Variants in UNC5C observed in about 807,000 individuals in gnomAD.
The protein encoded by UNC5C is unc-5 netrin receptor C.
In UNC5C, 47 loss-of-function variants were observed where a neutral mutation model predicts 99.8. The ratio of observed to expected loss-of-function variants is 0.47; its 90% CI spans 0.37 to 0.60. The LOEUF is 0.60. Ranked by LOEUF, UNC5C falls within the 20% of genes least tolerant of loss-of-function variation. UNC5C has a pLI of 0.00. For synonymous variants in UNC5C, 487 were observed against 452.2 expected, an observed-to-expected ratio of 1.08 and a Z score of -0.98; for missense variants, 1,062 against 1,165.9, an observed-to-expected ratio of 0.91 and a Z score of 1.30.
chr4:95,330,221 T>C (rs1358478931), intron 2 of UNC5C, among the ~76,000 whole-genome samples: 1 of 152,106 alleles, frequency 6.6e-6, no homozygotes, highest in African/African-American at 2.4e-5. Context: ...TTCTTTAGCA[T>C]TATATTTATA....
At chr4:95,273,694 A>G (rs372911094) in intron 4 of UNC5C, among the ~76,000 whole-genome samples, 55 of 152,338 alleles carry the variant, frequency 3.6e-4, no homozygotes, top group African/African-American at 1.3e-3. Context: ...ATATCATTTT[A>G]GAGTATTCCT....
intron 1 of UNC5C, among the ~76,000 whole-genome samples, chr4:95,476,738 G>T (rs962366806): frequency 6.9e-6 from 1 of 145,788 alleles, no homozygotes; most frequent in Non-Finnish European, 1.5e-5. Flanking sequence ...ACATATTATT[G>T]CAGTAAGAAT....
chr4:95,506,055 T>C (rs777499921), intron 1 of UNC5C, among the ~76,000 whole-genome samples: 7 of 152,004 alleles, frequency 4.6e-5, no homozygotes, highest in African/African-American at 7.2e-5. Flanking sequence ...AGAAAACATG[T>C]TTTTTAAAAT....
intron 4 of UNC5C, among the ~76,000 whole-genome samples, chr4:95,274,556 C>T (rs775628480): frequency 6.6e-6 from 1 of 151,686 alleles, no homozygotes; most frequent in Non-Finnish European, 1.5e-5. Context: ...TATAAGGAGT[C>T]CTCGGTTGGC....
At chr4:95,534,942 G>A (rs116704353) in intron 1 of UNC5C, among the ~76,000 whole-genome samples, 256 of 152,212 alleles carry the variant, frequency 1.7e-3, no homozygotes, top group African/African-American at 5.9e-3. Context: ...AATTGTTTCT[G>A]TTCCTTTATA....
intron 1 of UNC5C, among the ~76,000 whole-genome samples, chr4:95,533,492 T>G (rs1434322053): frequency 1.3e-5 from 2 of 152,010 alleles, no homozygotes; most frequent in African/African-American, 4.8e-5. Context: ...GTGATATCAT[T>G]AAATAATACA....
chr4:95,272,548 T>G (rs2865416), intron 4 of UNC5C, among the ~76,000 whole-genome samples: 76,741 of 152,046 alleles, frequency 0.5, 19,544 homozygotes, highest in Middle Eastern at 0.59. Context: ...TTTCCCATAC[T>G]TTTTCACCCC....
At chr4:95,505,999 C>T (rs191846887) in intron 1 of UNC5C, among the ~76,000 whole-genome samples, 1 of 151,796 alleles carries the variant, frequency 6.6e-6, no homozygotes, top group African/African-American at 2.4e-5. Flanking sequence ...AGAAAATATG[C>T]TGACATGTGC....
chr4:95,498,840 C>T (rs1231454677), intron 1 of UNC5C, among the ~76,000 whole-genome samples: 1 of 151,916 alleles, frequency 6.6e-6, no homozygotes, highest in African/African-American at 2.4e-5. Flanking sequence ...TTGGTCAAGA[C>T]ACATATAATC....
chr4:95,381,833 G>A (rs141889879), intron 1 of UNC5C, among the ~76,000 whole-genome samples: 347 of 152,232 alleles, frequency 2.3e-3, no homozygotes, highest in Admixed American at 5.0e-3. Context: ...TTGAGACAGC[G>A]GAGGACTTTC....
At chr4:95,195,828 T>A (rs962172277) in intron 12 of UNC5C, among the ~76,000 whole-genome samples, 2 of 152,018 alleles carry the variant, frequency 1.3e-5, no homozygotes, top group Admixed American at 1.3e-4. Context: ...TTCACAGAGT[T>A]ACTCTATTAC....
chr4:95,263,702 A>C (rs574650999), intron 4 of UNC5C, among the ~76,000 whole-genome samples: 2 of 152,282 alleles, frequency 1.3e-5, no homozygotes, highest in South Asian at 4.1e-4. Flanking sequence ...AAATCACTCA[A>C]CCTTATTTTT....
intron 14 of UNC5C, among the ~76,000 whole-genome samples, chr4:95,174,519 G>A (rs1233553680): frequency 5.9e-5 from 9 of 152,190 alleles, no homozygotes; most frequent in African/African-American, 1.7e-4. Flanking sequence ...TCATTCAGGA[G>A]CAGGTTGTTC....
At chr4:95,184,633 G>T in intron 13 of UNC5C, among the ~76,000 whole-genome samples, 1 of 152,080 alleles carries the variant, frequency 6.6e-6, no homozygotes, top group South Asian at 2.1e-4. Flanking sequence ...CCAAAGTAGG[G>T]CTCCCTCTAA....
At chr4:95,329,171 T>C (rs1298600340) in intron 2 of UNC5C, among the ~76,000 whole-genome samples, 1 of 151,988 alleles carries the variant, frequency 6.6e-6, no homozygotes, top group African/African-American at 2.4e-5. Flanking sequence ...TGCCTGTAGT[T>C]GTAGCTATTT....
chr4:95,448,240 G>GAGAGAGAGAGAGACAC (rs1560836881), intron 1 of UNC5C, among the ~76,000 whole-genome samples: 1 of 149,760 alleles, frequency 6.7e-6, no homozygotes. Context: ...GAGAGAGAGA[G>GAGAGAGAGAGAGACAC]AGAGAGAGAG....
intron 1 of UNC5C, among the ~76,000 whole-genome samples, chr4:95,548,450 C>G (rs1723134513): frequency 6.6e-6 from 1 of 152,034 alleles, no homozygotes; most frequent in Non-Finnish European, 1.5e-5. Flanking sequence ...CAAGACACTC[C>G]AGGCTCCCAC....
Position 95,219,078 on chromosome 4 carries a change from A to G in UNC5C, c.1536T>C (p.Asn512=). The change falls in exon 9 of 16, where the codon AAT becomes AAC. Residue 512 remains asparagine, a synonymous_variant. Coordinates refer to ENST00000453304, the MANE Select transcript of UNC5C (RefSeq NM_003728.4). ...TCTGGTTCTTCAGGCTGAGGGCTTC[A>G]TTCTCCAACAACGACTGGGTCATCT... ...SPQMTQSLLE[N]EALSLKNQSL... 6.2e-7 allele frequency: 1 copy of G among 1,614,176 alleles called. No homozygotes were observed. Among genetic ancestry groups the G allele is most frequent in the East Asian group, 2.2e-5 (1 of 44,882 alleles).
chr4:95,521,934 A>T (rs1722371407), intron 1 of UNC5C, among the ~76,000 whole-genome samples: 1 of 152,202 alleles, frequency 6.6e-6, no homozygotes, highest in Admixed American at 6.5e-5. Context: ...TGGCAGTTAC[A>T]AATTGTGTAA....
Sources: allele counts gnomAD v4.1 joint callset (sites outside exome capture counted in the v4.1 genomes callset), GRCh38; gene constraint gnomAD v4.1.1; transcripts MANE v1.5; gene names NCBI Gene and HGNC (gene_info 2026-07-23, HGNC 2026-07-21).